Variants in CKAP2 observed in about 807,000 individuals in gnomAD.
The protein encoded by CKAP2 is cytoskeleton associated protein 2, also known as cytoskeleton-associated protein 2.
In CKAP2, 46 loss-of-function variants were observed where a neutral mutation model predicts 58.4. That is an observed-to-expected ratio of 0.79 (90% CI 0.62 to 1.01). The LOEUF (loss-of-function observed/expected upper bound fraction) is 1.01. Among genes scored for constraint, CKAP2 ranks in the 50% least tolerant of loss-of-function variants. The pLI is 0.00. For missense variants in CKAP2, 809 were observed against 796.4 expected (o/e 1.02, Z -0.19); for synonymous variants, 293 against 280.9 (o/e 1.04, Z -0.43).
chr13:52,470,111 CTTTTTTT>C (rs34623381), intron 7 of CKAP2, among the ~76,000 whole-genome samples: 2 of 139,100 alleles, frequency 1.4e-5, no homozygotes, highest in Non-Finnish European at 3.2e-5. Flanking sequence ...TGAACTTTTT[CTTTTTTT>C]TTTTTTTGAA....
At chr13:52,458,120 C>CT (rs1242192870) in intron 2 of CKAP2, among the ~76,000 whole-genome samples, 1 of 152,098 alleles carries the variant, frequency 6.6e-6, no homozygotes, top group Admixed American at 6.5e-5. Context: ...ACAAATAAAT[C>CT]TTTTATTTCT....
chr13:52,473,015 C>T (rs1018256231), intron 7 of CKAP2, among the ~76,000 whole-genome samples: 5 of 151,718 alleles, frequency 3.3e-5, no homozygotes, highest in African/African-American at 1.2e-4. Flanking sequence ...TGCACTCCAT[C>T]CTAGGTGACA....
intron 7 of CKAP2, 70 bp downstream of exon 7, chr13:52,468,417 A>C: frequency 3.2e-6 from 3 of 949,036 alleles, no homozygotes; most frequent in Non-Finnish European, 4.9e-6. Context: ...TTTAACTTTT[A>C]TTTTAAGATC....
At chr13:52,463,580 A>G (rs1464264472) in intron 5 of CKAP2, among the ~76,000 whole-genome samples, 2 of 152,206 alleles carry the variant, frequency 1.3e-5, no homozygotes, top group Non-Finnish European at 2.9e-5. Flanking sequence ...AATAGCAACA[A>G]CAAACAGCAG....
At chr13:52,462,084 G>A (rs1042768923) in intron 4 of CKAP2, among the ~76,000 whole-genome samples, 158 bp downstream of exon 4, 2 of 152,092 alleles carry the variant, frequency 1.3e-5, no homozygotes, top group African/African-American at 4.8e-5. Context: ...TGACCTAAAA[G>A]TTTTTGTGTT....
rs1958598194 is a variant in CKAP2, at chr13:52,462,298, A to G, written c.1101-65A>G. 1.8e-5 allele frequency: 26 copies of G among 1,411,344 alleles called. No individual in the cohort carries two copies. The South Asian group carries it at 2.5e-4, about 14-fold the overall frequency. The allele number at this position is 1,411,344 out of a possible 1,614,324, so 87.4% of individuals were successfully genotyped here. On this transcript the variant is annotated intron_variant, in intron 4 of 8. Transcript: ENST00000258607. ...ACTTAAAAATATGATTTTTTCTTTT[A>G]ACTTTATTTGACAGAGTTCTGTCAG...
chr13:52,469,652 A>C lies in CKAP2; in HGVS notation c.1546+1305A>C, dbSNP rs1958734343. On this transcript the variant is annotated intron_variant, in intron 7 of 8. Coordinates refer to ENST00000258607, the MANE Select transcript of CKAP2 (RefSeq NM_018204.5). Reference sequence around the variant, plus strand: ...TCGCCCAGGCCAGACTGCGGACTGCAGTGGCGCAATCTCGGCTCACTGCAA... The same window carrying C: ...TCGCCCAGGCCAGACTGCGGACTGCCGTGGCGCAATCTCGGCTCACTGCAA... Among the ~76,000 whole-genome samples the C allele has an allele frequency of 3.4e-5, 5 of 148,658 alleles. No individual in the cohort carries two copies. In the Admixed American group the frequency reaches 3.4e-4, roughly 10 times the overall value.
chr13:52,461,213 G>A lies in CKAP2; in HGVS notation c.387G>A (p.Leu129=), dbSNP rs1479159744. The A allele has an allele frequency of 5.6e-6, 9 of 1,613,804 alleles. No homozygotes were observed. The Admixed American group carries it at 1.3e-4, about 24-fold the overall frequency. The change falls in exon 4 of 9, where the codon TTG becomes TTA. Residue 129 remains leucine, a synonymous_variant. Transcript: ENST00000258607. ...KPKDSNQTPH[L]LLTEDDPQSQ... ...AGGATAGTAATCAAACTCCGCATTT[G>A]TTACTAACTGAAGATGATCCCCAAA...
In CKAP2 at chr13:52,461,637, A is replaced by G. The variant is rs767464830; in HGVS notation, c.811A>G (p.Ile271Val). The G allele has an allele frequency of 6.2e-7, 1 of 1,614,204 alleles. No individual in the cohort carries two copies. The highest frequency in any genetic ancestry group is 8.5e-7 in the Non-Finnish European group (1 of 1,180,028). ...SNTRDTVKQG[I>V]SRTSANVTIR... ...TACCCGGGACACTGTGAAACAAGGC[A>G]TCAGTAGAACTTCTGCCAATGTTAC... Residue 271 changes from isoleucine to valine, a missense_variant, in exon 4 of 9, where the codon ATC (isoleucine) becomes GTC (valine). By Grantham distance (29) the Ile-to-Val change is conservative. Transcript: ENST00000258607.
At chr13:52,461,016 A>T in intron 3 of CKAP2, 42 bp downstream of exon 3, 2 of 1,606,004 alleles carry the variant, frequency 1.2e-6, no homozygotes, top group Non-Finnish European at 1.7e-6. Flanking sequence ...CCCCTTTTCC[A>T]TTTTGCCTTT....
At chr13:52,474,153 C>A in intron 8 of CKAP2, 69 bp downstream of exon 8, 3 of 1,432,308 alleles carry the variant, frequency 2.1e-6, no homozygotes, top group Non-Finnish European at 2.9e-6. Context: ...ATTTAAAAAT[C>A]TTTGAGATAG....
chr13:52,470,188 C>T (rs940987435), intron 7 of CKAP2, among the ~76,000 whole-genome samples: 5 of 151,680 alleles, frequency 3.3e-5, no homozygotes, highest in South Asian at 2.1e-4. Context: ...TCACTGCAAC[C>T]TCCGCCTCCT....
chr13:52,474,561 G>T (rs1292527273), intron 8 of CKAP2, among the ~76,000 whole-genome samples: 2 of 152,142 alleles, frequency 1.3e-5, no homozygotes, highest in East Asian at 3.8e-4. Flanking sequence ...CTTAAATACT[G>T]TATTTACTTT....
Position 52,455,506 on chromosome 13 carries a change from A to G in CKAP2, c.-51A>G. ...GACTGCGGCGGCGGTGGTCTGAGGAAGTTCTATCTTGGCGCTAAAGCGGAG... is the reference window on the plus strand; with the variant it reads ...GACTGCGGCGGCGGTGGTCTGAGGAGGTTCTATCTTGGCGCTAAAGCGGAG... On this transcript the variant is annotated 5_prime_UTR_variant, in exon 1 of 9. Coordinates refer to ENST00000258607, the MANE Select transcript of CKAP2 (RefSeq NM_018204.5). 1.9e-6 allele frequency: 3 copies of G among 1,601,122 alleles called. No individual in the cohort carries two copies. Among genetic ancestry groups the G allele is most frequent in the South Asian group, 1.1e-5 (1 of 90,878 alleles).
At chr13:52,474,113 T>C (rs757255627) in intron 8 of CKAP2, 29 bp downstream of exon 8, 1 of 1,586,206 alleles carries the variant, frequency 6.3e-7, no homozygotes, top group Admixed American at 1.8e-5. Context: ...CCATGATTTG[T>C]TTTCATGCTT....
chr13:52,456,834 C>T (rs987563361), intron 2 of CKAP2, among the ~76,000 whole-genome samples: 6 of 152,180 alleles, frequency 3.9e-5, no homozygotes, highest in African/African-American at 1.4e-4. Flanking sequence ...TTCAAGCACT[C>T]AGTAGCCACA....
intron 2 of CKAP2, among the ~76,000 whole-genome samples, chr13:52,459,252 T>C (rs1016989718): frequency 1.3e-5 from 2 of 152,258 alleles, no homozygotes; most frequent in Non-Finnish European, 1.5e-5. Context: ...CAAATAGATA[T>C]GAAAGGCAAT....
Position 52,461,216 on chromosome 13 carries a change from A to T in CKAP2, c.390A>T (p.Leu130Phe). The T allele has an allele frequency of 6.2e-7, 1 of 1,614,004 alleles. No homozygotes were observed. The highest frequency in any genetic ancestry group is 8.5e-7 in the Non-Finnish European group (1 of 1,180,002). The change falls in exon 4 of 9, where the codon TTA becomes TTT. Residue 130 changes from leucine to phenylalanine, a missense_variant. Around this residue, in one of 3 missense-constraint regions of CKAP2, gnomAD observed 523 missense variants for 492.4 expected, o/e 1.06. Transcript: ENST00000258607. ...ATAGTAATCAAACTCCGCATTTGTTACTAACTGAAGATGATCCCCAAAGTC... is the reference window on the plus strand; with the variant it reads ...ATAGTAATCAAACTCCGCATTTGTTTCTAACTGAAGATGATCCCCAAAGTC... ...PKDSNQTPHL[L>F]LTEDDPQSQH...
chr13:52,462,443 C>T lies in CKAP2; in HGVS notation c.1181C>T (p.Pro394Leu). The T allele has an allele frequency of 6.2e-7, 1 of 1,614,084 alleles. No homozygotes were observed. Among genetic ancestry groups the T allele is most frequent in the African/African-American group, 1.3e-5 (1 of 75,032 alleles). ...PPNSVVTQHE[P>L]AGQNEKPVGS... Reference sequence around the variant, plus strand: ...AATTCAGTAGTTACTCAGCATGAGCCTGCAGGACAAAATGAAAAACCAGTT... The same window carrying T: ...AATTCAGTAGTTACTCAGCATGAGCTTGCAGGACAAAATGAAAAACCAGTT... The change falls in exon 5 of 9, where the codon CCT (proline) becomes CTT (leucine). Residue 394 changes from proline (P) to leucine (L), a missense_variant. This residue lies in a region of CKAP2 where 523 missense variants were observed against 492.4 expected (regional missense o/e 1.06). Transcript: ENST00000258607.
Sources: gnomAD v4.1 joint callset for allele counts (sites outside exome capture counted in the v4.1 genomes callset) on GRCh38, gnomAD v4.1.1 for gene constraint, gnomAD v4.1.1 regional missense constraint, MANE v1.5 for transcripts, NCBI Gene and HGNC (gene_info 2026-07-23, HGNC 2026-07-21) for gene names.